PPP3CC: variants seen among roughly 807,000 people sequenced by gnomAD.
The protein encoded by PPP3CC is serine/threonine-protein phosphatase 2B catalytic subunit gamma isoform.
Under a neutral mutation model 60.3 loss-of-function variants are expected in PPP3CC, and 35 were observed. The observed-to-expected ratio is 0.58, with a 90% CI of 0.44 to 0.77. The LOEUF (loss-of-function observed/expected upper bound fraction) is 0.77, where lower values mean the gene tolerates loss of function less well. Ranked by LOEUF, PPP3CC falls within the 30% of genes least tolerant of loss-of-function variation. The probability of loss-of-function intolerance (pLI) is 0.00; values close to 1 mark genes in which losing one functional copy is unlikely to be tolerated. For missense variants in PPP3CC, 570 were observed against 628.9 expected (o/e 0.91, Z 1.00); for synonymous variants, 206 against 224.3 (o/e 0.92, Z 0.73).
At chr8:22,489,669 TA>T (rs1195212630) in intron 3 of PPP3CC, among the ~76,000 whole-genome samples, 66 of 134,748 alleles carry the variant, frequency 4.9e-4, no homozygotes, top group Non-Finnish European at 7.9e-4. Context: ...ATATTATATA[TA>T]AGTATATATT....
At chr8:22,519,225 A>G (rs1351736349) in intron 6 of PPP3CC, among the ~76,000 whole-genome samples, 1 of 152,198 alleles carries the variant, frequency 6.6e-6, no homozygotes, top group African/African-American at 2.4e-5. Context: ...ACTTACTTGC[A>G]TGGAATACCT....
In PPP3CC at chr8:22,537,859, G is replaced by C. The variant is rs145761195; in HGVS notation, c.1322-1610G>C. Among the ~76,000 whole-genome samples the C allele has an allele frequency of 1.4e-3, 218 of 152,286 alleles. 3 individuals carry two copies. Among genetic ancestry groups the C allele is most frequent in the African/African-American group, 5.0e-3 (207 of 41,566 alleles). ...TGTCCAGAACAGACCAATCTAGAGA[G>C]AAAGTAGATTCGTGTTCAACCAGGA... is the stretch of plus-strand genomic sequence containing the variant. On this transcript the variant is annotated intron_variant, in intron 12 of 13. Coordinates refer to ENST00000240139, the MANE Select transcript of PPP3CC (RefSeq NM_005605.5).
chr8:22,527,453 C>T lies in PPP3CC; in HGVS notation c.1005C>T (p.His335=). Residue 335 remains histidine (H), a synonymous_variant, in exon 9 of 14, where the codon CAC becomes CAT. Coordinates refer to ENST00000240139, the MANE Select transcript of PPP3CC (RefSeq NM_005605.5). The part of the protein sequence containing the change: ...MNIRQFNCSP[H]PYWLPNFMDV... The stretch of plus-strand genomic sequence containing the variant: ...TCAGGCAGTTTAACTGTTCTCCACA[C>T]CCCTACTGGCTTCCAAACTTTATGG... 1.9e-6 allele frequency: 3 copies of T among 1,613,534 alleles called. No homozygotes were observed. Among genetic ancestry groups the T allele is most frequent in the Non-Finnish European group, 2.5e-6 (3 of 1,179,452 alleles).
Position 22,498,217 on chromosome 8 carries a change from GTCCTGTTGTTATTTTT to G in PPP3CC, c.484+107_484+122del, listed in dbSNP as rs1472584059. On this transcript the variant is annotated intron_variant, in intron 4 of 13. Coordinates refer to ENST00000240139, the MANE Select transcript of PPP3CC (RefSeq NM_005605.5). ...AACTAATAGAATTTAAATGCTTCCT[GTCCTGTTGTTATTTTT>G]TTCACCTGCAAAGAACTAAGATTCT... 4 of 602,606 alleles carry G rather than the reference GTCCTGTTGTTATTTTT, an allele frequency of 6.6e-6. No individual in the cohort carries two copies. In the African/African-American group the frequency reaches 7.6e-5, roughly 11 times the overall value. 37.3% of individuals were successfully genotyped at this position (602,606 alleles called of 1,614,324 possible).
chr8:22,460,914 C>G (rs897110338), intron 1 of PPP3CC, among the ~76,000 whole-genome samples: 1 of 151,338 alleles, frequency 6.6e-6, no homozygotes, highest in Admixed American at 6.6e-5. Flanking sequence ...GGTGTGATCT[C>G]GGCTCACTGC....
At chr8:22,519,383 G>T (rs1332009357) in intron 6 of PPP3CC, among the ~76,000 whole-genome samples, 1 of 152,110 alleles carries the variant, frequency 6.6e-6, no homozygotes, top group Non-Finnish European at 1.5e-5. Context: ...GATAGGTAAG[G>T]ACTTACTATT....
At chr8:22,513,539 T>A in intron 6 of PPP3CC, 107 bp downstream of exon 6, 1 of 1,259,164 alleles carries the variant, frequency 7.9e-7, no homozygotes, top group Non-Finnish European at 1.0e-6. Flanking sequence ...TAAGCACTCC[T>A]GTTTAATTTT....
At chr8:22,511,957 T>C (rs975388995) in intron 5 of PPP3CC, among the ~76,000 whole-genome samples, 4 of 145,542 alleles carry the variant, frequency 2.7e-5, no homozygotes, top group African/African-American at 1.0e-4. Context: ...CCGAAATGCA[T>C]TGGCTTTGAC....
At chr8:22,486,811 C>T (rs1838239494) in intron 3 of PPP3CC, among the ~76,000 whole-genome samples, 1 of 151,232 alleles carries the variant, frequency 6.6e-6, no homozygotes, top group Admixed American at 6.6e-5. Context: ...CTCACTGCAG[C>T]CTCTGCCTCC....
intron 8 of PPP3CC, 42 bp from the exon 9 acceptor site, chr8:22,527,350 A>G: frequency 6.2e-7 from 1 of 1,606,464 alleles, no homozygotes; most frequent in East Asian, 2.2e-5. Context: ...TTGCCATGCC[A>G]TGTTCCTCTG....
At chr8:22,506,813 G>A (rs1218845354) in intron 4 of PPP3CC, among the ~76,000 whole-genome samples, 1 of 151,998 alleles carries the variant, frequency 6.6e-6, no homozygotes, top group African/African-American at 2.4e-5. Flanking sequence ...GTGGTGGTGG[G>A]TGCCTGTAGT....
intron 4 of PPP3CC, among the ~76,000 whole-genome samples, chr8:22,504,306 A>AG (rs1838848152): frequency 6.6e-6 from 1 of 152,090 alleles, no homozygotes; most frequent in Admixed American, 6.6e-5. Context: ...GTTAAACAAA[A>AG]TTTATTTTTT....
At chr8:22,514,439 T>G (rs1839184367) in intron 6 of PPP3CC, among the ~76,000 whole-genome samples, 2 of 152,018 alleles carry the variant, frequency 1.3e-5, no homozygotes, top group Admixed American at 1.3e-4. Flanking sequence ...ATTTCGCCAT[T>G]ACTTTTAGCA....
chr8:22,504,157 A>T (rs543676796), intron 4 of PPP3CC, among the ~76,000 whole-genome samples: 118 of 151,978 alleles, frequency 7.8e-4, no homozygotes, highest in African/African-American at 2.5e-3. Context: ...GTTTTTTTTT[A>T]AATTGATGTA....
intron 3 of PPP3CC, among the ~76,000 whole-genome samples, chr8:22,490,217 T>G (rs1838358813): frequency 6.6e-6 from 1 of 152,184 alleles, no homozygotes; most frequent in Admixed American, 6.5e-5. Context: ...CCAGTGGTCT[T>G]GAAATGTTAA....
chr8:22,536,523 T>A (rs1454136068), intron 12 of PPP3CC, among the ~76,000 whole-genome samples: 1 of 152,246 alleles, frequency 6.6e-6, no homozygotes, highest in Non-Finnish European at 1.5e-5. Flanking sequence ...TAATTCTTGG[T>A]CACCTTTTGG....
intron 6 of PPP3CC, among the ~76,000 whole-genome samples, chr8:22,513,642 T>C (rs753876691): frequency 2.2e-4 from 34 of 152,168 alleles, no homozygotes; most frequent in Admixed American, 1.1e-3. Context: ...CCAAACATGA[T>C]TGGACATCCT....
At chr8:22,521,384 T>C (rs1272842873) in intron 6 of PPP3CC, among the ~76,000 whole-genome samples, 1 of 152,126 alleles carries the variant, frequency 6.6e-6, no homozygotes, top group Non-Finnish European at 1.5e-5. Context: ...AGGCTGGTGG[T>C]AGGACTGCAG....
At chr8:22,456,148 G>A (rs1449866782) in intron 1 of PPP3CC, among the ~76,000 whole-genome samples, 1 of 152,196 alleles carries the variant, frequency 6.6e-6, no homozygotes, top group Non-Finnish European at 1.5e-5. Flanking sequence ...AGTGTCCCAT[G>A]AGGATAAGAC....
Sources: allele counts gnomAD v4.1 joint callset (sites outside exome capture counted in the v4.1 genomes callset), GRCh38; gene constraint gnomAD v4.1.1; transcripts MANE v1.5; gene names NCBI Gene and HGNC (gene_info 2026-07-23, HGNC 2026-07-21).